Variants in ERLIN1 observed in about 807,000 individuals in gnomAD.
The protein encoded by ERLIN1 is erlin-1.
A neutral mutation model predicts 46.9 loss-of-function variants in ERLIN1; 24 were observed. The observed-to-expected ratio is 0.51, with a 90% CI of 0.37 to 0.72. The LOEUF (loss-of-function observed/expected upper bound fraction) is 0.72, where lower values mean the gene tolerates loss of function less well. Among genes scored for constraint, ERLIN1 ranks in the 30% least tolerant of loss-of-function variants. The pLI, the probability that ERLIN1 is intolerant of heterozygous loss-of-function variation, is 0.00. For synonymous variants in ERLIN1, 158 were observed against 143.2 expected (o/e 1.10, Z -0.74); for missense variants, 293 against 417.9 (o/e 0.70, Z 2.61).
intron 8 of ERLIN1, among the ~76,000 whole-genome samples, chr10:100,161,298 A>G (rs974763684): frequency 6.6e-6 from 1 of 152,236 alleles, no homozygotes; most frequent in Non-Finnish European, 1.5e-5. Flanking sequence ...AAAAATCAAC[A>G]GCATACTTAT....
chr10:100,185,645 C>A lies in ERLIN1; in HGVS notation c.-19G>T. On this transcript the variant is annotated 5_prime_UTR_variant, in exon 1 of 11. Transcript: ENST00000421367. ...TATTCATTCTCGTTCCTCCTGGGAG[C>A]GGGAGAAAAGGACCCTCAGTCCCGT... 1 of 1,604,182 alleles carries A rather than the reference C, an allele frequency of 6.2e-7. No individual in the cohort carries two copies. The highest frequency in any genetic ancestry group is 8.5e-7 in the Non-Finnish European group (1 of 1,171,202).
At chr10:100,182,763 G>C (rs1371195826) in intron 2 of ERLIN1, among the ~76,000 whole-genome samples, 1 of 152,218 alleles carries the variant, frequency 6.6e-6, no homozygotes, top group African/African-American at 2.4e-5. Flanking sequence ...AATCTGGGAT[G>C]AGCCTTTAAA....
chr10:100,175,860 A>G (rs953401755), intron 5 of ERLIN1, 85 bp downstream of exon 5: 12 of 1,153,364 alleles, frequency 1.0e-5, no homozygotes, highest in African/African-American at 1.5e-5. Context: ...AAATAGCACT[A>G]AGGTTTACCA....
chr10:100,157,228 G>C (rs192536880), intron 8 of ERLIN1, among the ~76,000 whole-genome samples: 2 of 152,288 alleles, frequency 1.3e-5, no homozygotes, highest in East Asian at 3.9e-4. Context: ...GGAAATGACA[G>C]GATGAAAATG....
intron 2 of ERLIN1, 58 bp from the exon 3 acceptor site, chr10:100,179,305 GGTACCAGAGGCAAAT>G (rs1844497421): frequency 8.1e-7 from 1 of 1,238,272 alleles, no homozygotes; most frequent in Non-Finnish European, 1.2e-6. Context: ...AAAAACTACT[GGTACCAGAGGCAAAT>G]CTCTGGAAAG....
intron 8 of ERLIN1, among the ~76,000 whole-genome samples, chr10:100,161,953 C>CA (rs1027172204): frequency 3.9e-5 from 6 of 151,942 alleles, no homozygotes; most frequent in African/African-American, 1.5e-4. Context: ...ATATGAAAAG[C>CA]AAAACTTTAA....
At chr10:100,179,368 T>G in intron 2 of ERLIN1, 121 bp from the exon 3 acceptor site, 1 of 612,716 alleles carries the variant, frequency 1.6e-6, no homozygotes, top group Non-Finnish European at 2.9e-6. Flanking sequence ...CATCACAATT[T>G]CAGTTCCCAA....
Position 100,185,990 on chromosome 10 carries a change from A to G in ERLIN1, c.-364T>C. On this transcript the variant is annotated 5_prime_UTR_variant, in exon 1 of 11. Coordinates refer to ENST00000421367, the MANE Select transcript of ERLIN1 (RefSeq NM_006459.4). ...TCAGTGACGCATCGCCCCCGCCCGC[A>G]CGTGCAGCCGACTCCCGCGCCGAGC... 1 of 428,088 alleles carries G rather than the reference A, an allele frequency of 2.3e-6. No homozygotes were observed. Among genetic ancestry groups the G allele is most frequent in the Non-Finnish European group, 4.1e-6 (1 of 244,082 alleles). The allele number at this position is 428,088 out of a possible 1,614,324, so 26.5% of individuals were successfully genotyped here. A position where few individuals can be genotyped will look rare whatever the true frequency, so the allele number is the denominator to read the frequency against.
At chr10:100,174,036 T>C (rs954964707) in intron 6 of ERLIN1, among the ~76,000 whole-genome samples, 172 bp downstream of exon 6, 4 of 152,196 alleles carry the variant, frequency 2.6e-5, no homozygotes, top group African/African-American at 9.7e-5. Context: ...TCACCCATAG[T>C]AAGCTACAAG....
intron 4 of ERLIN1, among the ~76,000 whole-genome samples, chr10:100,177,590 T>C (rs1254872531): frequency 2.0e-5 from 3 of 152,242 alleles, no homozygotes; most frequent in African/African-American, 7.2e-5. Flanking sequence ...GCCAGTTTTA[T>C]TAACAAGCAT....
At chr10:100,159,246 A>G (rs1044210805) in intron 8 of ERLIN1, among the ~76,000 whole-genome samples, 1 of 152,182 alleles carries the variant, frequency 6.6e-6, no homozygotes, top group Non-Finnish European at 1.5e-5. Flanking sequence ...ACAATCCTGA[A>G]CCTGAATGTT....
At chr10:100,156,376 A>G in intron 8 of ERLIN1, 142 bp from the exon 9 acceptor site, 1 of 607,248 alleles carries the variant, frequency 1.6e-6, no homozygotes, top group Non-Finnish European at 3.0e-6. Flanking sequence ...ATCTAGTCAG[A>G]CTGTAAACTA....
chr10:100,175,333 G>A (rs1844230456), intron 5 of ERLIN1, among the ~76,000 whole-genome samples: 1 of 152,168 alleles, frequency 6.6e-6, no homozygotes, highest in South Asian at 2.1e-4. Flanking sequence ...ATTCCTTCCA[G>A]GAGTCTGGAA....
chr10:100,152,081 T>C lies in ERLIN1; in HGVS notation c.*50A>G, dbSNP rs775387617. On this transcript the variant is annotated 3_prime_UTR_variant, in exon 11 of 11. Coordinates refer to ENST00000421367, the MANE Select transcript of ERLIN1 (RefSeq NM_006459.4). ...GAGTCCGTATAATGATTGTTCCCAC[T>C]TAACCCCTTGGGCCACATCTTGATA... is the stretch of plus-strand genomic sequence containing the variant. The C allele has an allele frequency of 3.4e-6, 4 of 1,160,652 alleles. No homozygotes were observed. The highest frequency in any genetic ancestry group is 5.2e-6 in the Non-Finnish European group (4 of 769,220). 71.9% of individuals were successfully genotyped at this position (1,160,652 alleles called of 1,614,324 possible).
At chr10:100,169,621 TAAAAA>T (rs67272064) in intron 6 of ERLIN1, among the ~76,000 whole-genome samples, 9,324 of 144,972 alleles carry the variant, frequency 0.064, 345 homozygotes, top group African/African-American at 0.1. Flanking sequence ...CCTCAATGAT[TAAAAA>T]AAAAAAAGAC....
Position 100,152,304 on chromosome 10 carries a change from C to T in ERLIN1, c.874G>A (p.Ala292Thr). The stretch of plus-strand genomic sequence containing the variant: ...CCAAAATAGATCTTACTGTTAGAAG[C>T]AATGGCCTGGTACTTTTTGAGCTCC... ...YLELKKYQAIASNSKIYFGSN... is the reference protein window; with the variant it reads ...YLELKKYQAITSNSKIYFGSN... The change falls in exon 11 of 11, where the codon GCT (alanine) becomes ACT (threonine). Residue 292 changes from alanine (A) to threonine (T), a missense_variant. By Grantham distance (58) the Ala-to-Thr change is moderately conservative. Coordinates refer to ENST00000421367, the MANE Select transcript of ERLIN1 (RefSeq NM_006459.4). 6.2e-7 allele frequency: 1 copy of T among 1,613,812 alleles called. No individual in the cohort carries two copies. The highest frequency in any genetic ancestry group is 8.5e-7 in the Non-Finnish European group (1 of 1,179,706).
chr10:100,168,273 C>G (rs116556436), intron 6 of ERLIN1, among the ~76,000 whole-genome samples: 1 of 152,186 alleles, frequency 6.6e-6, no homozygotes, highest in Admixed American at 6.5e-5. Context: ...AATAACAAAG[C>G]CTTTAAGCAC....
At chr10:100,178,008 A>G in intron 4 of ERLIN1, 125 bp downstream of exon 4, 1 of 671,316 alleles carries the variant, frequency 1.5e-6, no homozygotes, top group Non-Finnish European at 2.5e-6. Flanking sequence ...TTCCCCAGAA[A>G]TTTATTAATC....
rs1277051366 is a variant in ERLIN1, at chr10:100,185,600, C to G, written c.27G>C (p.Leu9=). 1.2e-6 allele frequency: 2 copies of G among 1,613,922 alleles called. No individual in the cohort carries two copies. The highest frequency in any genetic ancestry group is 1.7e-6 in the Non-Finnish European group (2 of 1,179,900). The change falls in exon 1 of 11, where the codon CTG becomes CTC. Residue 9 remains leucine (L), a synonymous_variant. Coordinates refer to ENST00000421367, the MANE Select transcript of ERLIN1 (RefSeq NM_006459.4). MNMTQARV[L]VAAVVGLVAV... is the part of the protein sequence containing the mutation. ...CCACCAACCCCACCACTGCAGCCACCAGAACCCGGGCTTGAGTCATATTCA... is the reference window on the plus strand; with the variant it reads ...CCACCAACCCCACCACTGCAGCCACGAGAACCCGGGCTTGAGTCATATTCA...
Sources: gnomAD v4.1 joint callset for allele counts (sites outside exome capture counted in the v4.1 genomes callset) on GRCh38, gnomAD v4.1.1 for gene constraint, MANE v1.5 for transcripts, NCBI Gene and HGNC (gene_info 2026-07-23, HGNC 2026-07-21) for gene names.